Variants in SEMA4D observed in about 807,000 individuals in gnomAD.
SEMA4D encodes the protein semaphorin-4D.
SEMA4D carries 22 observed loss-of-function variants against 74.8 expected under a neutral mutation model. The ratio of observed to expected loss-of-function variants is 0.29; its 90% CI spans 0.21 to 0.42. The LOEUF is 0.42. Among genes scored for constraint, SEMA4D ranks in the 10% least tolerant of loss-of-function variants. The probability of loss-of-function intolerance (pLI) is 1.00; values close to 1 mark genes in which losing one functional copy is unlikely to be tolerated. For missense variants in SEMA4D, 937 were observed against 1,118.4 expected (o/e 0.84, Z 2.31); for synonymous variants, 445 against 463.7 (o/e 0.96, Z 0.52).
intron 1 of SEMA4D, among the ~76,000 whole-genome samples, chr9:89,462,764 G>A (rs1425677903): frequency 6.6e-6 from 1 of 151,264 alleles, no homozygotes; most frequent in East Asian, 2.0e-4. Context: ...AGGCAACAAA[G>A]TGAGAGCCTG....
intron 2 of SEMA4D, among the ~76,000 whole-genome samples, chr9:89,436,845 C>T (rs978944891): frequency 2.0e-5 from 3 of 152,234 alleles, no homozygotes; most frequent in Admixed American, 6.5e-5. Flanking sequence ...ACCCTGCAGG[C>T]CTGGCCACTA....
intron 2 of SEMA4D, among the ~76,000 whole-genome samples, chr9:89,454,878 G>A (rs757953471): frequency 1.3e-5 from 2 of 152,238 alleles, no homozygotes; most frequent in Admixed American, 6.5e-5. Flanking sequence ...CTGCCCAGGC[G>A]TGTGCCTAGC....
intron 5 of SEMA4D, among the ~76,000 whole-genome samples, chr9:89,397,126 T>A (rs1490074177): frequency 6.6e-6 from 1 of 152,166 alleles, no homozygotes; most frequent in Non-Finnish European, 1.5e-5. Flanking sequence ...AGTAATTGTG[T>A]CTCTGCAGTG....
chr9:89,466,034 G>A (rs1858600596), intron 1 of SEMA4D, among the ~76,000 whole-genome samples: 1 of 152,208 alleles, frequency 6.6e-6, no homozygotes, highest in Admixed American at 6.5e-5. Flanking sequence ...ACTGGGGCTT[G>A]AGGAGATGGT....
exon 17 of SEMA4D, chr9:89,363,795 G>A: frequency 6.2e-7 from 1 of 1,613,972 alleles, no homozygotes; most frequent in Non-Finnish European, 8.5e-7. Context: ...GCTGAGGAGA[G>A]GACAGAGCAG....
downstream of SEMA4D, among the ~76,000 whole-genome samples, chr9:89,375,901 TG>T (rs1339160618): frequency 2.6e-5 from 4 of 152,222 alleles, no homozygotes. Context: ...TCTTGTTCTG[TG>T]ATCTAGGCTG....
At position 89,402,899 on chromosome 9, in the gene SEMA4D, G is replaced by A. The variant is rs1465752509; in HGVS notation, c.224C>T (p.Ala75Val). 1 of 1,614,080 alleles carries A rather than the reference G, an allele frequency of 6.2e-7. No homozygotes were observed. The highest frequency in any genetic ancestry group is 8.5e-7 in the Non-Finnish European group (1 of 1,179,948). ...GAREAVFAVNALNISEKQHEV... is the reference protein window; with the variant it reads ...GAREAVFAVNVLNISEKQHEV... ...ATGCTGCTTCTCGGAGATGTTGAGT[G>A]CGTTCACAGCGAAGACCGCCTCCCG... The change falls in exon 4 of 16, where the codon GCA becomes GTA. Residue 75 changes from alanine to valine, a missense_variant. Ala to Val is a moderately conservative substitution (Grantham distance 64). Coordinates refer to ENST00000422704, the MANE Select transcript of SEMA4D (RefSeq NM_001371194.2).
chr9:89,385,866 G>GGGGGGCC, intron 13 of SEMA4D: 3 of 196,226 alleles, frequency 1.5e-5, no homozygotes, highest in Non-Finnish European at 9.0e-6. Context: ...CAGCGTGGAT[G>GGGGGGCC]CCCGCCCACC....
At chr9:89,374,270 C>T (rs1835495877), downstream of SEMA4D, among the ~76,000 whole-genome samples, 1 of 152,248 alleles carries the variant, frequency 6.6e-6, no homozygotes. Flanking sequence ...CTACACACTA[C>T]TCCTGGCCAC....
chr9:89,442,759 C>T (rs967624836), intron 2 of SEMA4D, among the ~76,000 whole-genome samples: 1 of 152,200 alleles, frequency 6.6e-6, no homozygotes, highest in Admixed American at 6.5e-5. Flanking sequence ...GAGGGATCAG[C>T]ACCAGACAGT....
chr9:89,468,861 C>T (rs927682081), intron 1 of SEMA4D, among the ~76,000 whole-genome samples: 1 of 152,250 alleles, frequency 6.6e-6, no homozygotes, highest in Admixed American at 6.5e-5. Flanking sequence ...ACCACTCAGG[C>T]ACCAAAGGCT....
At chr9:89,458,997 A>G (rs1856628158) in intron 1 of SEMA4D, among the ~76,000 whole-genome samples, 1 of 152,084 alleles carries the variant, frequency 6.6e-6, no homozygotes, top group Non-Finnish European at 1.5e-5. Context: ...TCATACACAC[A>G]CTGTGCATGG....
Position 89,403,071 on chromosome 9 carries a change from A to G in SEMA4D, c.107-55T>C, listed in dbSNP as rs368325615. The G allele has an allele frequency of 4.4e-6, 7 of 1,580,022 alleles. No individual in the cohort carries two copies. The African/African-American group carries it at 5.4e-5, about 12-fold the overall frequency. ...GGAGGAAGAAAAGAGCGATGGAAGC[A>G]TTTTTAAACCTGAGCACATCCTAGG... On this transcript the variant is annotated intron_variant, in intron 3 of 15. Transcript: ENST00000422704.
At chr9:89,448,542 G>A (rs1349494990) in intron 2 of SEMA4D, among the ~76,000 whole-genome samples, 3 of 152,222 alleles carry the variant, frequency 2.0e-5, no homozygotes, top group Admixed American at 2.0e-4. Flanking sequence ...ACCAGGAACA[G>A]GCTGCCGTGG....
At chr9:89,447,892 C>T (rs527963257) in intron 2 of SEMA4D, among the ~76,000 whole-genome samples, 2 of 152,366 alleles carry the variant, frequency 1.3e-5, no homozygotes, top group East Asian at 3.9e-4. Flanking sequence ...CAGGCACAGG[C>T]ATGGCGCCAG....
At chr9:89,366,474 G>C (rs1833688363) in intron 16 of SEMA4D, among the ~76,000 whole-genome samples, 1 of 152,124 alleles carries the variant, frequency 6.6e-6, no homozygotes, top group Admixed American at 6.5e-5. Context: ...CTGGCCTGGT[G>C]GACAAGCCCT....
At chr9:89,425,829 C>G (rs1847976357) in intron 2 of SEMA4D, among the ~76,000 whole-genome samples, 1 of 152,246 alleles carries the variant, frequency 6.6e-6, no homozygotes, top group Non-Finnish European at 1.5e-5. Flanking sequence ...GCAGTGACCC[C>G]AGGACCATGA....
intron 2 of SEMA4D, chr9:89,405,936 C>T: frequency 1.7e-6 from 2 of 1,168,626 alleles, no homozygotes; most frequent in Non-Finnish European, 2.1e-6. Flanking sequence ...CAGCCCAGAA[C>T]ACAGGACAGA....
At position 89,402,895 on chromosome 9, in the gene SEMA4D, G is replaced by C. The variant is rs760868738; in HGVS notation, c.228C>G (p.Leu76=). Residue 76 remains leucine (L), a synonymous_variant, in exon 4 of 16, where the codon CTC becomes CTG. Coordinates refer to ENST00000422704, the MANE Select transcript of SEMA4D (RefSeq NM_001371194.2). ...AREAVFAVNA[L]NISEKQHEVY... ...CCTCATGCTGCTTCTCGGAGATGTT[G>C]AGTGCGTTCACAGCGAAGACCGCCT... The C allele has an allele frequency of 6.2e-7, 1 of 1,614,024 alleles. No homozygotes were observed. The highest frequency in any genetic ancestry group is 1.1e-5 in the South Asian group (1 of 91,084).
Sources: allele counts gnomAD v4.1 joint callset (sites outside exome capture counted in the v4.1 genomes callset), GRCh38; gene constraint gnomAD v4.1.1; transcripts MANE v1.5; gene names NCBI Gene and HGNC (gene_info 2026-07-23, HGNC 2026-07-21).